Variants in FSHR observed in about 807,000 individuals in gnomAD.
FSHR encodes follicle stimulating hormone receptor.
FSHR carries 46 observed loss-of-function variants against 52.1 expected under a neutral mutation model. The ratio of observed to expected loss-of-function variants is 0.88; its 90% CI spans 0.70 to 1.13. The LOEUF is 1.13. Ranked by LOEUF, FSHR falls within the 50% of genes most tolerant of loss-of-function variation. The probability of loss-of-function intolerance (pLI) is 0.00; values close to 1 mark genes in which losing one functional copy is unlikely to be tolerated. For synonymous variants in FSHR, 399 were observed against 309.6 expected, an observed-to-expected ratio of 1.29 and a Z score of -3.03; for missense variants, 964 against 834.6, an observed-to-expected ratio of 1.16 and a Z score of -1.91.
At chr2:49,039,473 G>A (rs901539834) in intron 2 of FSHR, among the ~76,000 whole-genome samples, 7 of 152,182 alleles carry the variant, frequency 4.6e-5, no homozygotes, top group African/African-American at 1.7e-4. Flanking sequence ...GGTCAACAGT[G>A]CTCCACTTTC....
At chr2:49,094,708 G>A (rs1017631100) in intron 1 of FSHR, among the ~76,000 whole-genome samples, 7 of 151,974 alleles carry the variant, frequency 4.6e-5, no homozygotes, top group Non-Finnish European at 5.9e-5. Flanking sequence ...AAATGCCTAC[G>A]TTAAAAAAGA....
chr2:49,003,364 G>T (rs1666972311), intron 4 of FSHR, among the ~76,000 whole-genome samples: 3 of 152,092 alleles, frequency 2.0e-5, no homozygotes, highest in African/African-American at 2.4e-5. Flanking sequence ...GCTCTGGATT[G>T]GATGTCAGTG....
chr2:49,017,674 C>T (rs753695528), intron 3 of FSHR, 111 bp from the exon 4 acceptor site: 2 of 785,742 alleles, frequency 2.5e-6, no homozygotes, highest in East Asian at 2.7e-5. Flanking sequence ...ACTCATCCAC[C>T]CATCTATTCA....
At chr2:48,988,900 A>G (rs1486652480) in intron 6 of FSHR, 77 bp downstream of exon 6, 3 of 1,212,620 alleles carry the variant, frequency 2.5e-6, no homozygotes, top group Non-Finnish European at 2.4e-6. Flanking sequence ...ACAAAAAAGG[A>G]GCATCCAATT....
Position 48,963,573 on chromosome 2 carries a change from C to T in FSHR, c.1248G>A (p.Leu416=), listed in dbSNP as rs778915696. 1 of 1,614,154 alleles carries T rather than the reference C, an allele frequency of 6.2e-7. No individual in the cohort carries two copies. Among genetic ancestry groups the T allele is most frequent in the Non-Finnish European group, 8.5e-7 (1 of 1,180,024 alleles). The change falls in exon 10 of 10, where the codon CTG becomes CTA. Residue 416 remains leucine, a synonymous_variant. Coordinates refer to ENST00000406846, the MANE Select transcript of FSHR (RefSeq NM_000145.4). ...TATGGATATCAACTGATGCAATGAGCAGCAGGTAGATTCCAATGCAGAGAT... is the reference window on the plus strand; with the variant it reads ...TATGGATATCAACTGATGCAATGAGTAGCAGGTAGATTCCAATGCAGAGAT... ...FADLCIGIYL[L]LIASVDIHTK...
At chr2:49,072,748 C>G (rs1295972602) in intron 1 of FSHR, among the ~76,000 whole-genome samples, 1 of 152,094 alleles carries the variant, frequency 6.6e-6, no homozygotes, top group East Asian at 1.9e-4. Context: ...GGGTAAGGAG[C>G]TTTCTACTAG....
intron 6 of FSHR, among the ~76,000 whole-genome samples, chr2:48,985,124 ATGATGACG>A (rs1675433964): frequency 6.6e-6 from 1 of 152,078 alleles, no homozygotes; most frequent in Non-Finnish European, 1.5e-5. Flanking sequence ...GATGATGACG[ATGATGACG>A]ATGACTACAA....
In FSHR at chr2:49,127,741, C is replaced by CT. The variant is rs137873721; in HGVS notation, c.152+26524dup. 6.3e-4 allele frequency among the ~76,000 whole-genome samples: 49 copies of CT among 78,382 alleles called. 3 individuals carry two copies. The highest frequency in any genetic ancestry group is 1.6e-3 in the African/African-American group (24 of 15,302). The allele number at this position is 78,382 out of a possible 152,430, so 51.4% of individuals were successfully genotyped here. On this transcript the variant is annotated intron_variant, in intron 1 of 9. Coordinates refer to ENST00000406846, the MANE Select transcript of FSHR (RefSeq NM_000145.4). ...TGGCACATTGATTTGTGCATGATTT[C>CT]TTCTTCTTCTTTCTTCTTCTTCTTC...
At position 49,049,105 on chromosome 2, in the gene FSHR, A is replaced by G. The variant is rs1482192781; in HGVS notation, c.224+19114T>C. Among the ~76,000 whole-genome samples, 6 of 152,096 alleles carry G rather than the reference A, an allele frequency of 3.9e-5. No individual in the cohort carries two copies. The South Asian group carries it at 6.2e-4, about 16-fold the overall frequency. On this transcript the variant is annotated intron_variant, in intron 2 of 9. Transcript: ENST00000406846. The stretch of plus-strand genomic sequence containing the variant: ...AGAAAAATCCCCAGAGCAGAGCCAC[A>G]AGGATATTTTTAACTCGAGTATTAT...
intron 2 of FSHR, among the ~76,000 whole-genome samples, chr2:49,065,312 G>A (rs1669459377): frequency 6.6e-6 from 1 of 152,078 alleles, no homozygotes; most frequent in Non-Finnish European, 1.5e-5. Flanking sequence ...GCTGGGATAG[G>A]CATGGAAGCT....
At chr2:49,100,460 C>A (rs1670984705) in intron 1 of FSHR, among the ~76,000 whole-genome samples, 1 of 152,154 alleles carries the variant, frequency 6.6e-6, no homozygotes, top group African/African-American at 2.4e-5. Flanking sequence ...CCATGTGAGA[C>A]ATTTCTTATG....
At chr2:49,054,763 C>T (rs1375449308) in intron 2 of FSHR, among the ~76,000 whole-genome samples, 1 of 152,170 alleles carries the variant, frequency 6.6e-6, no homozygotes, top group Non-Finnish European at 1.5e-5. Flanking sequence ...GAGACACTCG[C>T]AAACATTACT....
At chr2:49,005,732 C>A (rs937141263) in intron 4 of FSHR, among the ~76,000 whole-genome samples, 7 of 152,136 alleles carry the variant, frequency 4.6e-5, no homozygotes, top group African/African-American at 7.2e-5. Context: ...TTGAACCATG[C>A]CTTTCTATCC....
chr2:49,084,344 C>T (rs1670293630), intron 1 of FSHR, among the ~76,000 whole-genome samples: 1 of 151,954 alleles, frequency 6.6e-6, no homozygotes, highest in Non-Finnish European at 1.5e-5. Flanking sequence ...GCATTCAAAG[C>T]AGTGTGTAGA....
chr2:49,017,580 A>C lies in FSHR; in HGVS notation c.300-17T>G. ...TCAATTCTACTGTAAAAGAAGAAAA[A>C]ACATGCTAGTGATCTTGATGGTAAG... is the stretch of plus-strand genomic sequence containing the variant. On this transcript the variant is annotated splice_polypyrimidine_tract_variant and intron_variant, in intron 3 of 9. Transcript: ENST00000406846. The C allele has an allele frequency of 1.9e-6, 3 of 1,581,004 alleles. No individual in the cohort carries two copies. Among genetic ancestry groups the C allele is most frequent in the Non-Finnish European group, 2.6e-6 (3 of 1,150,250 alleles).
At chr2:49,055,706 T>C (rs1246580676) in intron 2 of FSHR, among the ~76,000 whole-genome samples, 1 of 151,620 alleles carries the variant, frequency 6.6e-6, no homozygotes, top group African/African-American at 2.4e-5. Flanking sequence ...GGATGAAGAG[T>C]AGATTTCTTA....
At chr2:49,071,296 G>A (rs185698675) in intron 1 of FSHR, among the ~76,000 whole-genome samples, 1 of 152,082 alleles carries the variant, frequency 6.6e-6, no homozygotes, top group African/African-American at 2.4e-5. Flanking sequence ...AGCCATTAAA[G>A]AAGATATTTT....
At chr2:48,989,173 G>C (rs1675654307) in intron 5 of FSHR, 119 bp from the exon 6 acceptor site, 2 of 703,526 alleles carry the variant, frequency 2.8e-6, no homozygotes, top group East Asian at 5.9e-5. Flanking sequence ...AATATAACTA[G>C]TTGTTGTTTA....
At chr2:49,018,199 T>C (rs1667559031) in intron 3 of FSHR, among the ~76,000 whole-genome samples, 1 of 152,198 alleles carries the variant, frequency 6.6e-6, no homozygotes, top group Non-Finnish European at 1.5e-5. Context: ...CTTTATGCAG[T>C]AGACTGAGGC....
Sources: gnomAD v4.1 joint callset for allele counts (sites outside exome capture counted in the v4.1 genomes callset) on GRCh38, gnomAD v4.1.1 for gene constraint, MANE v1.5 for transcripts, NCBI Gene and HGNC (gene_info 2026-07-23, HGNC 2026-07-21) for gene names.